The following DHX30 variants were observed in gnomAD, a reference collection of about 807,000 sequenced individuals.
The protein encoded by DHX30 is ATP-dependent RNA helicase DHX30.
DHX30 carries 4 observed loss-of-function variants against 116.9 expected under a neutral mutation model. The observed-to-expected ratio is 0.03, with a 90% confidence interval of 0.02 to 0.08. The LOEUF (loss-of-function observed/expected upper bound fraction) is 0.08. Among genes scored for constraint, DHX30 ranks in the 10% least tolerant of loss-of-function variants. The pLI is 1.00. For missense variants in DHX30, 871 were observed against 1,595.1 expected (o/e 0.55, Z 7.73); for synonymous variants, 697 against 651.7 (o/e 1.07, Z -1.06).
At chr3:47,837,991 G>T (rs2037200844) in intron 6 of DHX30, among the ~76,000 whole-genome samples, 1 of 152,198 alleles carries the variant, frequency 6.6e-6, no homozygotes, top group Non-Finnish European at 1.5e-5. Context: ...AGCCTGTGGG[G>T]ACGAGATCCT....
At chr3:47,842,947 G>A (rs2037448181) in intron 8 of DHX30, among the ~76,000 whole-genome samples, 159 bp from the exon 9 acceptor site, 1 of 152,240 alleles carries the variant, frequency 6.6e-6, no homozygotes, top group Non-Finnish European at 1.5e-5. Context: ...CCATGGGCCT[G>A]CTCCTGGCTA....
intron 2 of DHX30, among the ~76,000 whole-genome samples, chr3:47,806,056 A>G (rs568992611): frequency 2.5e-3 from 379 of 151,930 alleles, no homozygotes; most frequent in African/African-American, 8.3e-3. Flanking sequence ...CAGTGGTGCA[A>G]TCTTGGCTCA....
In DHX30 at chr3:47,841,645, G is replaced by A. The variant is rs2037380120; in HGVS notation, c.697G>A (p.Asp233Asn). The change falls in exon 8 of 22, where the codon GAC becomes AAC. Residue 233 changes from aspartate (D) to asparagine (N), a missense_variant. Asp to Asn is a conservative substitution (Grantham distance 23). Coordinates refer to ENST00000445061, the MANE Select transcript of DHX30 (RefSeq NM_138615.3). ...RGSSFEMTDD[D>N]SAIRALTQFP... ...GAGTTCCTTTGAGATGACAGATGAC[G>A]ACAGTGCCATTAGGGCTCTGACCCA... The A allele has an allele frequency of 2.5e-6, 4 of 1,614,220 alleles. No individual in the cohort carries two copies. The highest frequency in any genetic ancestry group is 1.1e-5 in the South Asian group (1 of 91,080).
intron 4 of DHX30, among the ~76,000 whole-genome samples, chr3:47,823,905 G>A (rs1278272991): frequency 2.6e-5 from 4 of 151,926 alleles, no homozygotes; most frequent in Non-Finnish European, 2.9e-5. Flanking sequence ...GCTTCCTCAA[G>A]TGCCACAAAG....
rs1426625321 is a variant in DHX30 at position 47,849,786 on chromosome 3, C to T, written c.3331+17C>T. On this transcript the variant is annotated intron_variant, in intron 21 of 21. Coordinates refer to ENST00000445061, the MANE Select transcript of DHX30 (RefSeq NM_138615.3). ...ACATCCGTGGTGGGTGCCTGCAGGC[C>T]TCCCGCCCACCCCGCTCTGCAGCTG... 5 of 1,609,042 alleles carry T rather than the reference C, an allele frequency of 3.1e-6. No individual in the cohort carries two copies. The highest frequency in any genetic ancestry group is 2.2e-5 in the South Asian group (2 of 90,524).
intron 6 of DHX30, among the ~76,000 whole-genome samples, chr3:47,833,422 C>T (rs1489849117): frequency 1.3e-5 from 2 of 149,444 alleles, no homozygotes; most frequent in Admixed American, 6.8e-5. Context: ...GTCCCAGCTA[C>T]TTGGGAGGCT....
In DHX30 at chr3:47,832,962, T is replaced by C. The variant is rs998582539; in HGVS notation, c.366+3828T>C. 1.4e-4 allele frequency among the ~76,000 whole-genome samples: 21 copies of C among 148,648 alleles called. No homozygotes were observed. The East Asian group carries it at 1.8e-3, about 12-fold the overall frequency. The stretch of plus-strand genomic sequence containing the variant: ...CCTCTTTTTTTTTTTTTTTTTTTTT[T>C]CCTGTAGAGATGGTGTCCCGCTATG... On this transcript the variant is annotated intron_variant, in intron 6 of 21. Transcript: ENST00000445061.
chr3:47,838,084 T>G (rs930663175), intron 6 of DHX30, among the ~76,000 whole-genome samples: 1 of 152,078 alleles, frequency 6.6e-6, no homozygotes, highest in African/African-American at 2.4e-5. Context: ...GAGGGATGCT[T>G]GTATTGCTGC....
chr3:47,843,348 AACC>A (rs1227381745), intron 9 of DHX30, 93 bp downstream of exon 9: 3 of 1,533,752 alleles, frequency 2.0e-6, no homozygotes, highest in Non-Finnish European at 2.7e-6. Context: ...TAGGAAATGA[AACC>A]ACCACAGCAG....
chr3:47,842,924 A>G (rs1251406340), intron 8 of DHX30, among the ~76,000 whole-genome samples, 182 bp from the exon 9 acceptor site: 5 of 152,250 alleles, frequency 3.3e-5, no homozygotes, highest in Non-Finnish European at 7.3e-5. Flanking sequence ...GCCTGGGACT[A>G]GGGTGCCTGA....
chr3:47,827,620 C>A, intron 5 of DHX30, 143 bp downstream of exon 5: 2 of 1,201,722 alleles, frequency 1.7e-6, no homozygotes, highest in African/African-American at 1.5e-5. Flanking sequence ...CAGAGCAAAG[C>A]TAGGTTTGAA....
chr3:47,820,224 G>T (rs2036237418), intron 4 of DHX30, among the ~76,000 whole-genome samples: 1 of 152,212 alleles, frequency 6.6e-6, no homozygotes, highest in South Asian at 2.1e-4. Context: ...TGAGGCAGGA[G>T]AATTGCTTGA....
chr3:47,845,929 T>G, intron 10 of DHX30, 77 bp downstream of exon 10: 4 of 1,527,856 alleles, frequency 2.6e-6, no homozygotes, highest in Non-Finnish European at 2.6e-6. Context: ...GGCCTCCACC[T>G]GCGACAGGCA....
Position 47,849,066 on chromosome 3 carries a change from G to A in DHX30, c.2916G>A (p.Leu972=). The change falls in exon 18 of 22, where the codon CTG becomes CTA. Residue 972 remains leucine, a synonymous_variant. Transcript: ENST00000445061. ...LEENLLYAPS[L]RFIHGLIKQF... is the part of the protein sequence containing the mutation. ...AAAACCTGCTGTACGCACCCAGCCT[G>A]CGCTTCATCCACGGTCAGTCGGGCC... 1 of 1,610,446 alleles carries A rather than the reference G, an allele frequency of 6.2e-7. No individual in the cohort carries two copies. The highest frequency in any genetic ancestry group is 8.5e-7 in the Non-Finnish European group (1 of 1,177,582).
rs567279217 is a variant in DHX30 at position 47,846,804 on chromosome 3, C to T, written c.1732C>T (p.Leu578=). 6 of 1,613,412 alleles carry T rather than the reference C, an allele frequency of 3.7e-6. No homozygotes were observed. Among genetic ancestry groups the T allele is most frequent in the Non-Finnish European group, 5.1e-6 (6 of 1,179,920 alleles). ...TDFLLILLKG[L]QRLNPALRLV... ...CTTTCTGCTGATCCTGCTCAAGGGCCTGCAGCGGCTCAACCCGGCCCTGCG... is the reference window on the plus strand; with the variant it reads ...CTTTCTGCTGATCCTGCTCAAGGGCTTGCAGCGGCTCAACCCGGCCCTGCG... The change falls in exon 11 of 22, where the codon CTG becomes TTG. Residue 578 remains leucine (L), a synonymous_variant. Coordinates refer to ENST00000445061, the MANE Select transcript of DHX30 (RefSeq NM_138615.3).
At chr3:47,820,386 G>A (rs1204484607) in intron 4 of DHX30, among the ~76,000 whole-genome samples, 2 of 152,004 alleles carry the variant, frequency 1.3e-5, no homozygotes, top group African/African-American at 2.4e-5. Context: ...TAGGGCAGTC[G>A]GGTGCCCACC....
At chr3:47,832,627 C>G (rs2036911992) in intron 6 of DHX30, among the ~76,000 whole-genome samples, 1 of 142,742 alleles carries the variant, frequency 7.0e-6, no homozygotes, top group South Asian at 2.3e-4. Flanking sequence ...ACATCTAATT[C>G]TTTTTTTTTT....
intron 4 of DHX30, chr3:47,824,801 C>T (rs2036469052): frequency 2.5e-6 from 1 of 405,044 alleles, no homozygotes; most frequent in Non-Finnish European, 4.3e-6. Flanking sequence ...ATCCACACGA[C>T]TGCTGGTTTA....
intron 4 of DHX30, among the ~76,000 whole-genome samples, chr3:47,821,713 C>T (rs747940917): frequency 3.3e-5 from 5 of 152,132 alleles, no homozygotes; most frequent in Non-Finnish European, 7.3e-5. Flanking sequence ...TCTCCTGCCT[C>T]GGCCTCTTGA....
Sources: allele counts gnomAD v4.1 joint callset (sites outside exome capture counted in the v4.1 genomes callset), GRCh38; gene constraint gnomAD v4.1.1; transcripts MANE v1.5; gene names NCBI Gene and HGNC (gene_info 2026-07-23, HGNC 2026-07-21).